Variants in UHRF2 observed in about 807,000 individuals in gnomAD.
UHRF2 encodes the protein ubiquitin like with PHD and ring finger domains 2, also known as E3 ubiquitin-protein ligase UHRF2.
A neutral mutation model predicts 96.8 loss-of-function variants in UHRF2; 23 were observed. The ratio of observed to expected loss-of-function variants is 0.24; its 90% CI spans 0.17 to 0.34. The LOEUF is 0.34. Among genes scored for constraint, UHRF2 ranks in the 10% least tolerant of loss-of-function variants. The pLI, the probability that UHRF2 is intolerant of heterozygous loss-of-function variation, is 1.00. For missense variants in UHRF2, 685 were observed against 981.5 expected (o/e 0.70, Z 4.04); for synonymous variants, 385 against 332.6 (o/e 1.16, Z -1.72).
Position 6,473,444 on chromosome 9 carries a change from A to G in UHRF2, c.864-1947A>G, listed in dbSNP as rs537110681. On this transcript the variant is annotated intron_variant, in intron 4 of 15. Coordinates refer to ENST00000276893, the MANE Select transcript of UHRF2 (RefSeq NM_152896.3). ...TTCTCTGTAAAATTGTGCCAAGTAA[A>G]TGAGATGAGAAAGGAATGATAGAAT... Among the ~76,000 whole-genome samples, 14 of 152,316 alleles carry G rather than the reference A, an allele frequency of 9.2e-5. No individual in the cohort carries two copies. In the South Asian group the frequency reaches 2.7e-3, roughly 29 times the overall value.
intron 8 of UHRF2, among the ~76,000 whole-genome samples, chr9:6,485,706 A>G (rs1824231839): frequency 6.9e-6 from 1 of 145,726 alleles, no homozygotes; most frequent in Non-Finnish European, 1.5e-5. Context: ...GGCTCACACC[A>G]TAATCCCAAC....
chr9:6,485,324 T>G (rs1057424205), intron 8 of UHRF2, among the ~76,000 whole-genome samples: 9 of 152,282 alleles, frequency 5.9e-5, no homozygotes, highest in Non-Finnish European at 1.0e-4. Flanking sequence ...TTTTGCATCT[T>G]TTTTCGTATA....
chr9:6,432,862 A>G (rs775395864), intron 2 of UHRF2, among the ~76,000 whole-genome samples: 2 of 150,502 alleles, frequency 1.3e-5, no homozygotes, highest in Non-Finnish European at 2.9e-5. Context: ...TCTTTTTGAG[A>G]CAGAGTCTTG....
At position 6,506,816 on chromosome 9, in the gene UHRF2, G is replaced by C. The variant is rs1816608050; in HGVS notation, c.*637G>C. 6.6e-6 allele frequency: 1 copy of C among 152,612 alleles called. No individual in the cohort carries two copies. The highest frequency in any genetic ancestry group is 2.1e-4 in the South Asian group (1 of 4,824). 9.5% of individuals were successfully genotyped at this position (152,612 alleles called of 1,614,324 possible). A position where few individuals can be genotyped will look rare whatever the true frequency, so the allele number is the denominator to read the frequency against. Reference sequence around the variant, plus strand: ...ATTGTTGCTGCATTAGTGTAATGTGGTGTGGTTTTGCACTTAAAAGAGGTA... The same window carrying C: ...ATTGTTGCTGCATTAGTGTAATGTGCTGTGGTTTTGCACTTAAAAGAGGTA... On this transcript the variant is annotated 3_prime_UTR_variant, in exon 16 of 16. Coordinates refer to ENST00000276893, the MANE Select transcript of UHRF2 (RefSeq NM_152896.3).
In UHRF2 at chr9:6,420,936, G is replaced by C; in HGVS notation, c.178G>C (p.Asp60His). The C allele has an allele frequency of 6.2e-7, 1 of 1,613,930 alleles. No homozygotes were observed. The highest frequency in any genetic ancestry group is 8.5e-7 in the Non-Finnish European group (1 of 1,179,894). The part of the protein sequence containing the change: ...KQLENGYTLF[D>H]YDVGLNDIIQ... ...GTTGGAAAATGGATATACCTTATTT[G>C]ATTATGATGTTGGACTGAATGATAT... The change falls in exon 2 of 16, where the codon GAT becomes CAT. Residue 60 changes from aspartate (D) to histidine (H), a missense_variant. By Grantham distance (81) the Asp-to-His change is moderately conservative. Around this residue, in one of 6 missense-constraint regions of UHRF2, gnomAD observed 391 missense variants for 437.0 expected, o/e 0.89. Coordinates refer to ENST00000276893, the MANE Select transcript of UHRF2 (RefSeq NM_152896.3).
intron 1 of UHRF2, among the ~76,000 whole-genome samples, chr9:6,419,306 A>C (rs1297960651): frequency 6.6e-6 from 1 of 152,234 alleles, no homozygotes; most frequent in Non-Finnish European, 1.5e-5. Context: ...ATTTCAACCC[A>C]TAACCCTTAC....
chr9:6,454,742 C>G (rs935028362), intron 3 of UHRF2, among the ~76,000 whole-genome samples: 1 of 152,152 alleles, frequency 6.6e-6, no homozygotes, highest in African/African-American at 2.4e-5. Flanking sequence ...AGTTGGGTAA[C>G]GGTTCAAGAT....
At chr9:6,499,072 C>T (rs1216321291) in intron 12 of UHRF2, 1 of 152,182 alleles carries the variant, frequency 6.6e-6, no homozygotes, top group Non-Finnish European at 1.5e-5. Flanking sequence ...TTGTCAAATT[C>T]ACTTTCAGAA....
chr9:6,425,474 G>T (rs1264341001), intron 2 of UHRF2, among the ~76,000 whole-genome samples: 1 of 152,138 alleles, frequency 6.6e-6, no homozygotes, highest in Admixed American at 6.6e-5. Context: ...AAGGATAGAG[G>T]CCGGGCGCAG....
At chr9:6,444,784 G>T (rs1821388872) in intron 3 of UHRF2, among the ~76,000 whole-genome samples, 1 of 152,050 alleles carries the variant, frequency 6.6e-6, no homozygotes, top group Admixed American at 6.6e-5. Context: ...TGTATTTTTA[G>T]TAGAGACAGG....
At chr9:6,497,013 GA>G in intron 10 of UHRF2, 184 bp from the exon 11 acceptor site, 1 of 587,218 alleles carries the variant, frequency 1.7e-6, no homozygotes, top group South Asian at 3.3e-5. Flanking sequence ...GGTGACATCA[GA>G]AAACTGATTT....
intron 4 of UHRF2, among the ~76,000 whole-genome samples, chr9:6,469,697 TATAC>T (rs759672070): frequency 1.4e-4 from 20 of 148,144 alleles, no homozygotes; most frequent in Non-Finnish European, 2.4e-4. Context: ...TATACACGTA[TATAC>T]ATACATATAC....
intron 3 of UHRF2, among the ~76,000 whole-genome samples, chr9:6,435,566 T>C (rs1458828449): frequency 6.6e-6 from 1 of 152,154 alleles, no homozygotes; most frequent in Non-Finnish European, 1.5e-5. Context: ...ATACTGATTA[T>C]CAGTCACTCC....
Position 6,413,301 on chromosome 9 carries a change from G to A in UHRF2, c.-190G>A, listed in dbSNP as rs1390918867. 3 of 321,742 alleles carry A rather than the reference G, an allele frequency of 9.3e-6. No homozygotes were observed. The highest frequency in any genetic ancestry group is 1.5e-5 in the Non-Finnish European group (3 of 201,028). The allele number at this position is 321,742 out of a possible 1,614,324, so 19.9% of individuals were successfully genotyped here. A position where few individuals can be genotyped will look rare whatever the true frequency, so the allele number is the denominator to read the frequency against. On this transcript the variant is annotated 5_prime_UTR_variant, in exon 1 of 16. Transcript: ENST00000276893. ...GGTTCCGGTCGTCTCTCCTCAAGTC[G>A]GCTAGTCGGGCGCGCGCGCTGAGAG...
At chr9:6,417,806 A>G (rs1400885524) in intron 1 of UHRF2, among the ~76,000 whole-genome samples, 1 of 152,172 alleles carries the variant, frequency 6.6e-6, no homozygotes, top group East Asian at 1.9e-4. Context: ...TGTCAAATCA[A>G]ATTTTAAAAA....
chr9:6,426,609 C>G (rs1018990150), intron 2 of UHRF2, among the ~76,000 whole-genome samples: 21 of 152,258 alleles, frequency 1.4e-4, no homozygotes, highest in African/African-American at 5.1e-4. Flanking sequence ...TTCTGGATAG[C>G]TCATTCCATA....
chr9:6,422,544 C>T (rs1819990449), intron 2 of UHRF2: 5 of 458,830 alleles, frequency 1.1e-5, no homozygotes, highest in Non-Finnish European at 1.6e-5. Context: ...CTTGGAGAAT[C>T]GACATCTTTA....
At chr9:6,451,722 C>T (rs1465513946) in intron 3 of UHRF2, among the ~76,000 whole-genome samples, 1 of 152,018 alleles carries the variant, frequency 6.6e-6, no homozygotes, top group South Asian at 2.1e-4. Context: ...CCGCCTTTCT[C>T]GGCCTCCCAA....
At chr9:6,451,466 G>GTTTTTTT (rs34757017) in intron 3 of UHRF2, among the ~76,000 whole-genome samples, 1 of 141,816 alleles carries the variant, frequency 7.1e-6, no homozygotes, top group African/African-American at 2.6e-5. Context: ...GTTTTTTTTT[G>GTTTTTTT]TTTTTTTTTT....
Sources: allele counts gnomAD v4.1 joint callset (sites outside exome capture counted in the v4.1 genomes callset), GRCh38; gene constraint gnomAD v4.1.1; regional missense constraint gnomAD v4.1.1; transcripts MANE v1.5; gene names NCBI Gene and HGNC (gene_info 2026-07-23, HGNC 2026-07-21).